GSAP: variants seen among roughly 807,000 people sequenced by gnomAD.
GSAP encodes the protein gamma-secretase activating protein.
GSAP carries 118 observed loss-of-function variants against 131.7 expected under a neutral mutation model. The ratio of observed to expected loss-of-function variants is 0.90; its 90% confidence interval spans 0.77 to 1.04. The LOEUF (loss-of-function observed/expected upper bound fraction) is 1.04, where lower values mean the gene tolerates loss of function less well. Among genes scored for constraint, GSAP ranks in the 50% least tolerant of loss-of-function variants. The pLI is 0.00. For missense variants in GSAP, 1,019 were observed against 1,013.2 expected (o/e 1.01, Z -0.08); for synonymous variants, 381 against 363.4 (o/e 1.05, Z -0.55).
intron 5 of GSAP, among the ~76,000 whole-genome samples, chr7:77,392,750 A>G (rs1001330232): frequency 3.9e-5 from 6 of 152,200 alleles, no homozygotes; most frequent in Non-Finnish European, 7.3e-5. Flanking sequence ...GGAGAGTTCA[A>G]TATGGCCTGG....
At chr7:77,321,550 T>C (rs1787647556) in intron 24 of GSAP, 147 bp from the exon 25 acceptor site, 1 of 626,210 alleles carries the variant, frequency 1.6e-6, no homozygotes, top group South Asian at 1.9e-5. Context: ...CTGAGGTCAA[T>C]TCTGAAGCAC....
intron 19 of GSAP, among the ~76,000 whole-genome samples, chr7:77,340,792 G>A (rs1175728459): frequency 6.6e-6 from 1 of 152,092 alleles, no homozygotes; most frequent in Admixed American, 6.6e-5. Context: ...TCCCTTGGTG[G>A]CAAGTCAATT....
At chr7:77,381,262 G>GT in intron 8 of GSAP, 43 bp downstream of exon 8, 1 of 1,123,832 alleles carries the variant, frequency 8.9e-7, no homozygotes, top group Non-Finnish European at 1.3e-6. Flanking sequence ...TTCTTTGTGG[G>GT]GAAAAAAAAA....
chr7:77,404,774 G>A (rs1029237644), intron 2 of GSAP, among the ~76,000 whole-genome samples, 159 bp from the exon 3 acceptor site: 2 of 152,232 alleles, frequency 1.3e-5, no homozygotes, highest in African/African-American at 4.8e-5. Flanking sequence ...AGTTCAGCTA[G>A]TCATTTGGGC....
chr7:77,397,346 C>G lies in GSAP; in HGVS notation c.313G>C (p.Ala105Pro). 6.3e-7 allele frequency: 1 copy of G among 1,588,472 alleles called. No homozygotes were observed. The highest frequency in any genetic ancestry group is 8.6e-7 in the Non-Finnish European group (1 of 1,159,760). Reference protein sequence around the residue: ...CSVNSERTLLAASLVQSTKEG... With the variant: ...CSVNSERTLLPASLVQSTKEG... ...ATGTAGCAATAAGAGCTCAACTTACCAAGCAAAGTCCTTTCACTGTTGACA... is the reference window on the plus strand; with the variant it reads ...ATGTAGCAATAAGAGCTCAACTTACGAAGCAAAGTCCTTTCACTGTTGACA... Residue 105 changes from alanine (A) to proline (P), a missense_variant and splice_region_variant, in exon 4 of 31, where the codon GCT (alanine) becomes CCT (proline). Transcript: ENST00000257626.
At position 77,372,511 on chromosome 7, in the gene GSAP, A is replaced by C. The variant is rs868501788; in HGVS notation, c.871+1559T>G. 2.6e-5 allele frequency among the ~76,000 whole-genome samples: 4 copies of C among 152,336 alleles called. No individual in the cohort carries two copies. The South Asian group carries it at 6.2e-4, about 24-fold the overall frequency. ...ACAGATTATGTAGAAGAGTGTCCTT[A>C]ATCAAAGGAGGTGTGTACTGAATTA... On this transcript the variant is annotated intron_variant, in intron 12 of 30. Transcript: ENST00000257626.
intron 6 of GSAP, among the ~76,000 whole-genome samples, chr7:77,383,494 T>C (rs184839206): frequency 3.3e-5 from 5 of 152,286 alleles, no homozygotes; most frequent in Admixed American, 3.3e-4. Context: ...TGAGTCATGG[T>C]GCCACATGAG....
chr7:77,406,759 C>A lies in GSAP; in HGVS notation c.110-654G>T, dbSNP rs181698981. On this transcript the variant is annotated intron_variant, in intron 1 of 30. Transcript: ENST00000257626. ...ACAGATATGGAGCTCTCTTCACTAT[C>A]GAGGGACCCTCCCAAAAAGGTTCCT... 1.6e-3 allele frequency among the ~76,000 whole-genome samples: 238 copies of A among 152,292 alleles called. 1 individual carries two copies. Among genetic ancestry groups the A allele is most frequent in the African/African-American group, 5.7e-3 (235 of 41,548 alleles).
At chr7:77,340,388 G>C (rs947065032) in intron 19 of GSAP, among the ~76,000 whole-genome samples, 2 of 152,154 alleles carry the variant, frequency 1.3e-5, no homozygotes, top group African/African-American at 4.8e-5. Context: ...CGAAGACCCA[G>C]GACAGGAGGA....
chr7:77,384,327 G>C (rs1798223836), intron 6 of GSAP, among the ~76,000 whole-genome samples: 1 of 152,122 alleles, frequency 6.6e-6, no homozygotes, highest in African/African-American at 2.4e-5. Flanking sequence ...TGACAATCAG[G>C]GAGAATGTTA....
intron 19 of GSAP, chr7:77,330,812 G>C (rs1239932350): frequency 2.0e-6 from 2 of 984,100 alleles, no homozygotes; most frequent in Admixed American, 1.2e-4. Flanking sequence ...GTACTTTCCT[G>C]CTAAATTTAT....
At chr7:77,403,843 C>T (rs78638348) in intron 3 of GSAP, among the ~76,000 whole-genome samples, 1 of 151,928 alleles carries the variant, frequency 6.6e-6, no homozygotes, top group African/African-American at 2.4e-5. Flanking sequence ...GATAACAGGA[C>T]CAAGAGATCG....
chr7:77,349,693 C>A (rs1239874022), intron 18 of GSAP, among the ~76,000 whole-genome samples: 1 of 152,120 alleles, frequency 6.6e-6, no homozygotes, highest in Non-Finnish European at 1.5e-5. Context: ...TATTTTTATA[C>A]ATTTCTATTA....
chr7:77,416,364 C>A (rs1469582109), upstream of GSAP: 2 of 1,139,766 alleles, frequency 1.8e-6, no homozygotes, highest in South Asian at 1.6e-5. Context: ...CCCCGCACCG[C>A]GGGCATTCCC....
At chr7:77,381,393 G>A (rs777346874) in intron 7 of GSAP, 39 bp from the exon 8 acceptor site, 1 of 1,052,860 alleles carries the variant, frequency 9.5e-7, no homozygotes, top group Non-Finnish European at 1.4e-6. Flanking sequence ...TTAACCTTAA[G>A]GAAATATATG....
chr7:77,411,683 A>G (rs911470098), intron 1 of GSAP, among the ~76,000 whole-genome samples: 10 of 152,328 alleles, frequency 6.6e-5, no homozygotes, highest in East Asian at 5.8e-4. Context: ...AAAGATGCCA[A>G]TTCTCCCCAA....
chr7:77,334,541 A>G (rs1264034763), intron 19 of GSAP, among the ~76,000 whole-genome samples: 1 of 145,062 alleles, frequency 6.9e-6, no homozygotes, highest in African/African-American at 2.6e-5. Context: ...TATGTAACAA[A>G]CCTGCATGTC....
chr7:77,398,791 A>G (rs1417817350), intron 3 of GSAP, among the ~76,000 whole-genome samples: 1 of 152,130 alleles, frequency 6.6e-6, no homozygotes, highest in African/African-American at 2.4e-5. Context: ...GGTCAAAAGA[A>G]ATGACAGTCT....
intron 24 of GSAP, among the ~76,000 whole-genome samples, chr7:77,321,998 G>A (rs533797838): frequency 1.3e-5 from 2 of 152,304 alleles, no homozygotes; most frequent in South Asian, 2.1e-4. Context: ...AGCCTTCTTT[G>A]TCTTAGAGCT....
Sources: allele counts gnomAD v4.1 joint callset (sites outside exome capture counted in the v4.1 genomes callset), GRCh38; gene constraint gnomAD v4.1.1; transcripts MANE v1.5; gene names NCBI Gene and HGNC (gene_info 2026-07-23, HGNC 2026-07-21).